SEMA6D: variants seen among roughly 807,000 people sequenced by gnomAD.
The protein encoded by SEMA6D is semaphorin-6D.
In SEMA6D, 35 loss-of-function variants were observed where a neutral mutation model predicts 106.6. The ratio of observed to expected loss-of-function variants is 0.33; its 90% CI spans 0.25 to 0.44. SEMA6D has a LOEUF of 0.44. SEMA6D is among the 20% of genes least tolerant of loss of function. The pLI is 1.00. For synonymous variants in SEMA6D, 499 were observed against 487.7 expected (o/e 1.02, Z -0.31); for missense variants, 1,185 against 1,345.9 (o/e 0.88, Z 1.87).
intron 11 of SEMA6D, 39 bp from the exon 12 acceptor site, chr15:47,764,599 G>C: frequency 3.7e-6 from 6 of 1,608,838 alleles, no homozygotes; most frequent in Non-Finnish European, 5.1e-6. Context: ...GTGTGGCAGG[G>C]GCAGCCGAGA....
intron 1 of SEMA6D, among the ~76,000 whole-genome samples, chr15:47,340,700 A>G (rs540884571): frequency 6.6e-6 from 1 of 152,328 alleles, no homozygotes; most frequent in Admixed American, 6.5e-5. Flanking sequence ...TGAAATGATG[A>G]TGTGGCATCA....
intron 1 of SEMA6D, among the ~76,000 whole-genome samples, chr15:47,309,067 A>G (rs997051363): frequency 6.6e-6 from 1 of 152,140 alleles, no homozygotes; most frequent in Non-Finnish European, 1.5e-5. Flanking sequence ...GAAAGTGCAG[A>G]TATTCCTTGG....
intron 1 of SEMA6D, among the ~76,000 whole-genome samples, chr15:47,722,285 A>C (rs1423358458): frequency 6.6e-6 from 1 of 152,196 alleles, no homozygotes; most frequent in East Asian, 1.9e-4. Context: ...CTACTTGAAA[A>C]GGGGAAGAAA....
chr15:47,334,070 T>C (rs1434032766), intron 1 of SEMA6D, among the ~76,000 whole-genome samples: 1 of 152,160 alleles, frequency 6.6e-6, no homozygotes, highest in Admixed American at 6.5e-5. Context: ...TTTTATCACA[T>C]TTCTACGTGG....
chr15:47,618,526 T>C (rs1373518457), intron 4 of SEMA6D, among the ~76,000 whole-genome samples: 1 of 152,232 alleles, frequency 6.6e-6, no homozygotes. Flanking sequence ...TCAATGTGGC[T>C]GATCTCGTCA....
intron 1 of SEMA6D, among the ~76,000 whole-genome samples, chr15:47,191,047 C>T (rs1022899662): frequency 6.6e-6 from 1 of 151,974 alleles, no homozygotes; most frequent in Non-Finnish European, 1.5e-5. Flanking sequence ...GTCATACACG[C>T]CTGTACTCCC....
At chr15:47,550,694 T>C (rs537251805) in intron 3 of SEMA6D, among the ~76,000 whole-genome samples, 1 of 152,284 alleles carries the variant, frequency 6.6e-6, no homozygotes, top group Non-Finnish European at 1.5e-5. Context: ...CCAACTGTCA[T>C]AGCAGTTCCT....
chr15:47,620,771 AC>A (rs1406996311), intron 4 of SEMA6D, among the ~76,000 whole-genome samples: 1 of 150,762 alleles, frequency 6.6e-6, no homozygotes, highest in East Asian at 1.9e-4. Flanking sequence ...GTTTTTTTTA[AC>A]CTTTGGATTA....
At chr15:47,544,024 A>G (rs2045440685) in intron 3 of SEMA6D, among the ~76,000 whole-genome samples, 1 of 152,182 alleles carries the variant, frequency 6.6e-6, no homozygotes, top group South Asian at 2.1e-4. Context: ...ATTCATCTCC[A>G]ATAAAATAAT....
chr15:47,742,114 A>G (rs2080856264), intron 1 of SEMA6D, among the ~76,000 whole-genome samples: 1 of 152,240 alleles, frequency 6.6e-6, no homozygotes, highest in Admixed American at 6.5e-5. Flanking sequence ...GAGGAACTGC[A>G]GCCGTGGAAA....
chr15:47,753,295 A>G (rs1187973213), intron 1 of SEMA6D, among the ~76,000 whole-genome samples: 2 of 152,214 alleles, frequency 1.3e-5, no homozygotes, highest in Non-Finnish European at 2.9e-5. Flanking sequence ...ATTCTGTTAC[A>G]TTACTAGCGA....
At chr15:47,330,563 A>C (rs2037304053) in intron 1 of SEMA6D, among the ~76,000 whole-genome samples, 1 of 152,162 alleles carries the variant, frequency 6.6e-6, no homozygotes, top group East Asian at 1.9e-4. Context: ...TCATGGTGTT[A>C]ATATCCCAAT....
intron 4 of SEMA6D, among the ~76,000 whole-genome samples, chr15:47,647,208 T>C (rs2077596282): frequency 1.3e-5 from 2 of 152,174 alleles, no homozygotes; most frequent in South Asian, 4.2e-4. Context: ...TACAATGTAA[T>C]AGGCTTTAAC....
intron 1 of SEMA6D, among the ~76,000 whole-genome samples, chr15:47,720,261 CTTTTTTTTTTTTTTT>C (rs869122623): frequency 6.2e-5 from 6 of 97,166 alleles, no homozygotes; most frequent in Admixed American, 5.8e-4. Context: ...AATAACCTTT[CTTTTTTTTTTTTTTT>C]TTTTTTTTGG....
chr15:47,560,578 C>T (rs1471977603), intron 3 of SEMA6D, among the ~76,000 whole-genome samples: 1 of 151,880 alleles, frequency 6.6e-6, no homozygotes, highest in Non-Finnish European at 1.5e-5. Flanking sequence ...TGTGGAACAA[C>T]ATTAAGCATA....
chr15:47,652,436 C>G (rs1231170033), intron 4 of SEMA6D, among the ~76,000 whole-genome samples: 1 of 152,128 alleles, frequency 6.6e-6, no homozygotes, highest in Non-Finnish European at 1.5e-5. Context: ...CTGTGCTAGT[C>G]TCTGGAATTC....
At chr15:47,692,399 C>T (rs2078607415) in intron 4 of SEMA6D, among the ~76,000 whole-genome samples, 1 of 152,110 alleles carries the variant, frequency 6.6e-6, no homozygotes, top group South Asian at 2.1e-4. Flanking sequence ...TCCTGCATCT[C>T]CCATACCAGC....
At chr15:47,193,953 A>G (rs1267974855) in intron 1 of SEMA6D, among the ~76,000 whole-genome samples, 1 of 151,982 alleles carries the variant, frequency 6.6e-6, no homozygotes, top group African/African-American at 2.4e-5. Flanking sequence ...TAGATTTTAA[A>G]TTCTGTGAAA....
chr15:47,321,100 A>T (rs879878809), intron 1 of SEMA6D, among the ~76,000 whole-genome samples: 10 of 152,172 alleles, frequency 6.6e-5, no homozygotes, highest in Admixed American at 2.0e-4. Context: ...TTTATTACTC[A>T]TGCAGTATTA....
Sources: gnomAD v4.1 joint callset for allele counts (sites outside exome capture counted in the v4.1 genomes callset) on GRCh38, gnomAD v4.1.1 for gene constraint, MANE v1.5 for transcripts, NCBI Gene and HGNC (gene_info 2026-07-23, HGNC 2026-07-21) for gene names.